The following DRC11 variants were observed in gnomAD, a reference collection of about 807,000 sequenced individuals.
DRC11 encodes IQ and AAA domain-containing protein 1.
At chr2:236,392,252 T>C in the DRC11 span, 1 of 1,584,048 alleles carries the variant, frequency 6.3e-7, no homozygotes, top group African/African-American at 1.3e-5. This position sits in a 1 kb window ranked among gnomAD's most constrained non-coding sequence, Gnocchi z 5.1. Context: ...ACCTGTATCC[T>C]GATCTCTGAC....
chr2:236,440,305 C>G, the DRC11 span, among the ~76,000 whole-genome samples: 2 of 152,174 alleles, frequency 1.3e-5, no homozygotes, highest in African/African-American at 4.8e-5. Flanking sequence ...AAGGGTTAGT[C>G]ACCCAGGTTG....
At chr2:236,400,512 T>C in the DRC11 span, among the ~76,000 whole-genome samples, 1 of 152,244 alleles carries the variant, frequency 6.6e-6, no homozygotes, top group Non-Finnish European at 1.5e-5. This position sits in a 1 kb window ranked among gnomAD's most constrained non-coding sequence, Gnocchi z 7.9. Context: ...GCAATAATGT[T>C]GACACTGCCT....
chr2:236,360,670 G>A, the DRC11 span, among the ~76,000 whole-genome samples: 5,607 of 152,186 alleles, frequency 0.037, 330 homozygotes, highest in African/African-American at 0.13. The surrounding 1 kb of genome is among the most constrained non-coding windows in gnomAD (Gnocchi z 5.8). Context: ...GTGTGCTTGC[G>A]TGGGGAAAGA....
At chr2:236,310,655 C>G in the DRC11 span, among the ~76,000 whole-genome samples, 1 of 152,186 alleles carries the variant, frequency 6.6e-6, no homozygotes, top group East Asian at 1.9e-4. The surrounding 1 kb of genome is among the most constrained non-coding windows in gnomAD (Gnocchi z 5.5). Flanking sequence ...CGAAGGGCTG[C>G]GTAACAAAAG....
chr2:236,458,489 G>C, the DRC11 span, among the ~76,000 whole-genome samples: 1 of 152,028 alleles, frequency 6.6e-6, no homozygotes, highest in African/African-American at 2.4e-5. Flanking sequence ...CCAATAATAA[G>C]GAAAATATTT....
the DRC11 span, chr2:236,488,172 A>T: frequency 6.2e-7 from 1 of 1,601,792 alleles, no homozygotes; most frequent in Non-Finnish European, 8.5e-7. Context: ...ATCGAAAGGG[A>T]TACTCTTTAC....
chr2:236,480,359 A>G, the DRC11 span, among the ~76,000 whole-genome samples: 1 of 152,098 alleles, frequency 6.6e-6, no homozygotes, highest in Non-Finnish European at 1.5e-5. Context: ...TTGAATACCA[A>G]TGATTCTTAG....
At chr2:236,310,114 A>G in the DRC11 span, among the ~76,000 whole-genome samples, 2 of 152,318 alleles carry the variant, frequency 1.3e-5, no homozygotes, top group East Asian at 1.9e-4. This position sits in a 1 kb window ranked among gnomAD's most constrained non-coding sequence, Gnocchi z 5.5. Flanking sequence ...GGTCACTGCT[A>G]AGCCTAGGAG....
chr2:236,490,647 T>C, the DRC11 span, among the ~76,000 whole-genome samples: 1 of 152,124 alleles, frequency 6.6e-6, no homozygotes, highest in African/African-American at 2.4e-5. This position sits in a 1 kb window ranked among gnomAD's most constrained non-coding sequence, Gnocchi z 5.5. Context: ...GTGGCCATTA[T>C]CAAATAATTC....
At chr2:236,359,873 T>C in the DRC11 span, among the ~76,000 whole-genome samples, 11 of 152,046 alleles carry the variant, frequency 7.2e-5, no homozygotes, top group Non-Finnish European at 1.2e-4. The surrounding 1 kb of genome is among the most constrained non-coding windows in gnomAD (Gnocchi z 4.3). Flanking sequence ...ACAAGAAAGG[T>C]GAAGTTTAAT....
the DRC11 span, among the ~76,000 whole-genome samples, chr2:236,459,588 CGTATACGTAT>C: frequency 7.2e-6 from 1 of 138,542 alleles, no homozygotes; most frequent in Non-Finnish European, 1.5e-5. Flanking sequence ...TACGTATATA[CGTATACGTAT>C]ACATATATAC....
the DRC11 span, among the ~76,000 whole-genome samples, chr2:236,456,171 T>C: frequency 1.3e-5 from 2 of 152,354 alleles, no homozygotes; most frequent in East Asian, 1.9e-4. This position sits in a 1 kb window ranked among gnomAD's most constrained non-coding sequence, Gnocchi z 5.4. Context: ...AGGTTTAACA[T>C]GATTACTGAG....
chr2:236,357,912 CAT>C, the DRC11 span, among the ~76,000 whole-genome samples: 2 of 117,488 alleles, frequency 1.7e-5, no homozygotes, highest in Non-Finnish European at 3.2e-5. Context: ...TATAAATATA[CAT>C]ATACTATATA....
the DRC11 span, among the ~76,000 whole-genome samples, chr2:236,479,628 C>T: frequency 1.3e-5 from 2 of 152,182 alleles, no homozygotes; most frequent in African/African-American, 4.8e-5. This position sits in a 1 kb window ranked among gnomAD's most constrained non-coding sequence, Gnocchi z 4.1. Context: ...AAAACAACTA[C>T]ACTTTATCTC....
At chr2:236,322,128 G>C in the DRC11 span, among the ~76,000 whole-genome samples, 1 of 151,884 alleles carries the variant, frequency 6.6e-6, no homozygotes, top group East Asian at 1.9e-4. Flanking sequence ...GTCTGTAAGA[G>C]AGAATGCCTC....
the DRC11 span, among the ~76,000 whole-genome samples, chr2:236,431,967 G>C: frequency 6.6e-6 from 1 of 152,122 alleles, no homozygotes; most frequent in Non-Finnish European, 1.5e-5. The surrounding 1 kb of genome is among the most constrained non-coding windows in gnomAD (Gnocchi z 4.2). Context: ...GAATTGCTAG[G>C]TCCTTTGGTA....
chr2:236,460,370 T>C, the DRC11 span, among the ~76,000 whole-genome samples: 4 of 152,232 alleles, frequency 2.6e-5, no homozygotes, highest in Admixed American at 2.6e-4. This position sits in a 1 kb window ranked among gnomAD's most constrained non-coding sequence, Gnocchi z 4.0. Context: ...CCCAGGATGA[T>C]ATCCAGAGCT....
At chr2:236,396,302 C>G in the DRC11 span, among the ~76,000 whole-genome samples, 211 of 60,254 alleles carry the variant, frequency 3.5e-3, no homozygotes, top group African/African-American at 7.5e-3. Flanking sequence ...GAAAGAGGGG[C>G]GGGGGGGGGT....
the DRC11 span, among the ~76,000 whole-genome samples, chr2:236,348,750 T>C: frequency 6.6e-6 from 1 of 152,122 alleles, no homozygotes. This position sits in a 1 kb window ranked among gnomAD's most constrained non-coding sequence, Gnocchi z 7.4. Flanking sequence ...AGAGCAGACA[T>C]GGTCAGGAAG....
Sources: allele counts gnomAD v4.1 joint callset (sites outside exome capture counted in the v4.1 genomes callset), GRCh38; gene constraint gnomAD v4.1.1; non-coding constraint Gnocchi (gnomAD v3.1); transcripts MANE v1.5; gene names NCBI Gene and HGNC (gene_info 2026-07-23, HGNC 2026-07-21).